TMPRSS11E: variants seen among roughly 807,000 people sequenced by gnomAD.
The protein encoded by TMPRSS11E is transmembrane protease serine 11E.
TMPRSS11E carries 38 observed loss-of-function variants against 48.1 expected under a neutral mutation model. The ratio of observed to expected loss-of-function variants is 0.79; its 90% CI spans 0.61 to 1.04. The LOEUF is 1.04. TMPRSS11E is among the 50% of genes least tolerant of loss of function. The probability of loss-of-function intolerance (pLI) is 0.00; values close to 1 mark genes in which losing one functional copy is unlikely to be tolerated. For synonymous variants in TMPRSS11E, 158 were observed against 171.9 expected, an observed-to-expected ratio of 0.92 and a Z score of 0.63; for missense variants, 530 against 510.8, an observed-to-expected ratio of 1.04 and a Z score of -0.36.
chr4:68,485,312 A>T (rs1425600289), intron 9 of TMPRSS11E, among the ~76,000 whole-genome samples: 3 of 151,836 alleles, frequency 2.0e-5, no homozygotes, highest in Admixed American at 1.3e-4. Context: ...ATGCCTGGCT[A>T]ATTTTTGTAT....
chr4:68,450,702 A>C (rs760968290), intron 1 of TMPRSS11E, among the ~76,000 whole-genome samples: 1 of 151,932 alleles, frequency 6.6e-6, no homozygotes, highest in Non-Finnish European at 1.5e-5. Flanking sequence ...AGTTTTAAAA[A>C]CATTTTAAAA....
At chr4:68,483,766 G>A (rs915407517) in intron 9 of TMPRSS11E, among the ~76,000 whole-genome samples, 1 of 152,110 alleles carries the variant, frequency 6.6e-6, no homozygotes, top group African/African-American at 2.4e-5. Context: ...ATAGTTTTAG[G>A]TTTTACACTT....
At chr4:68,462,716 T>G (rs558613626) in intron 2 of TMPRSS11E, among the ~76,000 whole-genome samples, 48 of 152,340 alleles carry the variant, frequency 3.2e-4, no homozygotes, top group African/African-American at 1.2e-3. Flanking sequence ...GATGTATTGT[T>G]GAGTAAGTGC....
Position 68,461,740 on chromosome 4 carries a change from T to G in TMPRSS11E, c.12-81T>G, listed in dbSNP as rs943924453. Reference sequence around the variant, plus strand: ...GACCCTCCAACTGAATGTCCTTTATTCCCCCAAAATATCTGTTTTGTCTAA... The same window carrying G: ...GACCCTCCAACTGAATGTCCTTTATGCCCCCAAAATATCTGTTTTGTCTAA... On this transcript the variant is annotated intron_variant, in intron 1 of 9. Transcript: ENST00000305363. 7.5e-6 allele frequency: 12 copies of G among 1,593,622 alleles called. No individual in the cohort carries two copies. In the Admixed American group the frequency reaches 1.9e-4, roughly 25 times the overall value.
chr4:68,491,925 T>C (rs1176794045), intron 9 of TMPRSS11E, among the ~76,000 whole-genome samples: 3 of 152,364 alleles, frequency 2.0e-5, no homozygotes, highest in African/African-American at 7.2e-5. Context: ...TTGGCATCAC[T>C]ATAGTTCTTT....
chr4:68,481,144 T>C (rs1048997468), intron 9 of TMPRSS11E, among the ~76,000 whole-genome samples: 1 of 152,266 alleles, frequency 6.6e-6, no homozygotes, highest in Non-Finnish European at 1.5e-5. Context: ...TTCATTTTGC[T>C]TTCTGGCTCC....
intron 1 of TMPRSS11E, among the ~76,000 whole-genome samples, chr4:68,449,380 C>G (rs1728432999): frequency 6.6e-6 from 1 of 151,538 alleles, no homozygotes; most frequent in Non-Finnish European, 1.5e-5. Context: ...TGTATACTAA[C>G]TGTATTTATC....
At chr4:68,458,961 C>A (rs1379600993) in intron 1 of TMPRSS11E, among the ~76,000 whole-genome samples, 1 of 152,072 alleles carries the variant, frequency 6.6e-6, no homozygotes, top group African/African-American at 2.4e-5. Context: ...TTTATCTCTA[C>A]CTAGCTCATT....
chr4:68,479,134 A>T, intron 9 of TMPRSS11E, 143 bp downstream of exon 9: 2 of 934,458 alleles, frequency 2.1e-6, no homozygotes, highest in Non-Finnish European at 3.3e-6. Flanking sequence ...TACATCTCAC[A>T]TAACTATAGT....
rs148239873 is a variant in TMPRSS11E, at chr4:68,493,911, C to G, written c.1111-2732C>G. Among the ~76,000 whole-genome samples, 848 of 152,226 alleles carry G rather than the reference C, an allele frequency of 5.6e-3. 6 individuals carry two copies. Among genetic ancestry groups the G allele is most frequent in the African/African-American group, 0.02 (816 of 41,530 alleles). ...TAAAAATTTTTCCTTGAATCTCCTA[C>G]TGTTTCTCATCTCAGTGGTATTTGG... is the stretch of plus-strand genomic sequence containing the variant. On this transcript the variant is annotated intron_variant, in intron 9 of 9. Transcript: ENST00000305363.
intron 9 of TMPRSS11E, among the ~76,000 whole-genome samples, chr4:68,486,508 G>C (rs1054836556): frequency 6.6e-6 from 1 of 152,132 alleles, no homozygotes; most frequent in Admixed American, 6.5e-5. Context: ...GAGTGTGATT[G>C]GAATGATTTT....
chr4:68,483,922 T>G (rs1729480220), intron 9 of TMPRSS11E, among the ~76,000 whole-genome samples: 1 of 152,208 alleles, frequency 6.6e-6, no homozygotes, highest in South Asian at 2.1e-4. Context: ...ATGGTCAGCT[T>G]TGTCAAAGAT....
intron 4 of TMPRSS11E, among the ~76,000 whole-genome samples, chr4:68,470,986 A>G (rs150262438): frequency 1.3e-5 from 2 of 151,966 alleles, no homozygotes; most frequent in East Asian, 3.9e-4. Context: ...TGTATTTGAT[A>G]ATTTTGAATG....
intron 7 of TMPRSS11E, 51 bp from the exon 8 acceptor site, chr4:68,477,318 C>A (rs772969152): frequency 1.3e-6 from 2 of 1,511,142 alleles, no homozygotes; most frequent in Non-Finnish European, 1.8e-6. Context: ...ATAAATTATT[C>A]GACTGGTAGC....
At chr4:68,487,088 T>G (rs2109714525) in intron 9 of TMPRSS11E, among the ~76,000 whole-genome samples, 2 of 152,308 alleles carry the variant, frequency 1.3e-5, no homozygotes, top group African/African-American at 4.8e-5. Flanking sequence ...GGCTACTCTG[T>G]CCCTTGTAAG....
intron 2 of TMPRSS11E, among the ~76,000 whole-genome samples, chr4:68,464,104 T>C (rs1229796811): frequency 1.3e-5 from 2 of 152,226 alleles, no homozygotes; most frequent in Middle Eastern, 3.2e-3. Context: ...GCCCACACAG[T>C]ACACCTGAAT....
chr4:68,460,421 G>A (rs772851451), intron 1 of TMPRSS11E, among the ~76,000 whole-genome samples: 4 of 152,108 alleles, frequency 2.6e-5, no homozygotes, highest in Non-Finnish European at 1.5e-5. Flanking sequence ...TGCTTTAGAC[G>A]GAATGGTTAT....
At chr4:68,493,328 T>A (rs1259631529) in intron 9 of TMPRSS11E, among the ~76,000 whole-genome samples, 1 of 152,188 alleles carries the variant, frequency 6.6e-6, no homozygotes, top group Non-Finnish European at 1.5e-5. Flanking sequence ...CATCTGAAAA[T>A]GTCCCCATTC....
At chr4:68,494,766 G>A (rs1729823040) in intron 9 of TMPRSS11E, among the ~76,000 whole-genome samples, 1 of 152,144 alleles carries the variant, frequency 6.6e-6, no homozygotes, top group South Asian at 2.1e-4. Flanking sequence ...AACGCCCAAA[G>A]TCTGGTGGCT....
Sources: allele counts gnomAD v4.1 joint callset (sites outside exome capture counted in the v4.1 genomes callset), GRCh38; gene constraint gnomAD v4.1.1; transcripts MANE v1.5; gene names NCBI Gene and HGNC (gene_info 2026-07-23, HGNC 2026-07-21).